The following CFAP107 variants were observed in gnomAD, a reference collection of about 807,000 sequenced individuals.
The protein encoded by CFAP107 is cilia- and flagella-associated protein 107.
At chr1:12,746,212 A>C in the CFAP107 span, 3 of 394,026 alleles carry the variant, frequency 7.6e-6, no homozygotes, top group African/African-American at 6.1e-5. Context: ...TCAACAGTAG[A>C]GAATCCAAGA....
the CFAP107 span, among the ~76,000 whole-genome samples, chr1:12,754,947 A>G: frequency 6.6e-6 from 1 of 152,252 alleles, no homozygotes; most frequent in African/African-American, 2.4e-5. Flanking sequence ...TGATGATTGC[A>G]CAACAGCGTG....
the CFAP107 span, among the ~76,000 whole-genome samples, chr1:12,755,149 G>A: frequency 2.0e-5 from 3 of 152,238 alleles, no homozygotes; most frequent in African/African-American, 4.8e-5. Flanking sequence ...GCTCATGCCT[G>A]TAATCCCAGC....
At chr1:12,751,252 G>A in the CFAP107 span, among the ~76,000 whole-genome samples, 7 of 152,098 alleles carry the variant, frequency 4.6e-5, no homozygotes, top group East Asian at 7.7e-4. Context: ...TAAATGCAAA[G>A]CTAGCAGAAG....
At chr1:12,754,513 G>A in the CFAP107 span, among the ~76,000 whole-genome samples, 1 of 152,204 alleles carries the variant, frequency 6.6e-6, no homozygotes, top group African/African-American at 2.4e-5. Context: ...CTGGTTGTAT[G>A]CCTAAAAGAA....
chr1:12,749,957 G>T, the CFAP107 span, among the ~76,000 whole-genome samples: 3 of 152,156 alleles, frequency 2.0e-5, no homozygotes, highest in East Asian at 3.9e-4. Flanking sequence ...AAACTTAAAA[G>T]CCAGGATTAT....
the CFAP107 span, among the ~76,000 whole-genome samples, chr1:12,755,128 C>T: frequency 5.3e-4 from 81 of 152,218 alleles, no homozygotes; most frequent in African/African-American, 1.9e-3. Flanking sequence ...AAGGGAGGGC[C>T]GGGCACAGTG....
the CFAP107 span, among the ~76,000 whole-genome samples, chr1:12,755,231 G>A: frequency 1.3e-5 from 2 of 152,018 alleles, no homozygotes; most frequent in South Asian, 4.1e-4. Context: ...ATGGCAAAAC[G>A]CCCTCTCTTC....
chr1:12,751,349 G>A, the CFAP107 span, among the ~76,000 whole-genome samples: 3 of 152,148 alleles, frequency 2.0e-5, no homozygotes, highest in Admixed American at 6.6e-5. Flanking sequence ...AGTTGGGACC[G>A]GGCGCGGTGG....
At chr1:12,750,354 A>G in the CFAP107 span, among the ~76,000 whole-genome samples, 1 of 152,228 alleles carries the variant, frequency 6.6e-6, no homozygotes, top group Non-Finnish European at 1.5e-5. Flanking sequence ...AACAAATACT[A>G]AAATGGCAAA....
At chr1:12,746,508 G>C in the CFAP107 span, 3 of 1,613,570 alleles carry the variant, frequency 1.9e-6, no homozygotes, top group South Asian at 3.3e-5. Context: ...CAACGAAAGT[G>C]CTCACTGGAA....
chr1:12,761,881 G>T, the CFAP107 span: 1 of 152,318 alleles, frequency 6.6e-6, no homozygotes, highest in Non-Finnish European at 1.5e-5. Context: ...AGAACCTCTG[G>T]TGAGTGATTT....
chr1:12,760,125 A>G, the CFAP107 span, among the ~76,000 whole-genome samples: 1 of 152,118 alleles, frequency 6.6e-6, no homozygotes, highest in Non-Finnish European at 1.5e-5. Context: ...GACATTCCAG[A>G]GGAAGGAACA....
chr1:12,746,494 T>C, the CFAP107 span: 15 of 1,613,654 alleles, frequency 9.3e-6, no homozygotes, highest in Non-Finnish European at 1.3e-5. Context: ...TGAGACCAAG[T>C]ATTCAACGAA....
the CFAP107 span, among the ~76,000 whole-genome samples, chr1:12,748,575 T>G: frequency 6.6e-6 from 1 of 151,844 alleles, no homozygotes; most frequent in Non-Finnish European, 1.5e-5. Flanking sequence ...GAACATTACC[T>G]GCTAGTTAGA....
At chr1:12,761,234 A>C in the CFAP107 span, 1 of 322,668 alleles carries the variant, frequency 3.1e-6, no homozygotes, top group Admixed American at 4.8e-5. Flanking sequence ...AGGGCCCTTA[A>C]GTTCTACCCT....
the CFAP107 span, chr1:12,760,956 T>C: frequency 6.2e-7 from 1 of 1,607,292 alleles, no homozygotes; most frequent in Non-Finnish European, 8.5e-7. Flanking sequence ...TTCTGAGAGC[T>C]GCCACCCCAG....
chr1:12,757,147 G>C, the CFAP107 span, among the ~76,000 whole-genome samples: 1 of 152,144 alleles, frequency 6.6e-6, no homozygotes, highest in African/African-American at 2.4e-5. Flanking sequence ...AACCATCCAT[G>C]TATGTGAGGT....
At chr1:12,755,904 C>G in the CFAP107 span, 1 of 852,504 alleles carries the variant, frequency 1.2e-6, no homozygotes, top group South Asian at 1.5e-5. Flanking sequence ...TTAGTACCGT[C>G]TTGGGGGAAA....
chr1:12,746,720 G>A, the CFAP107 span, among the ~76,000 whole-genome samples: 19 of 151,980 alleles, frequency 1.3e-4, no homozygotes, highest in Admixed American at 1.1e-3. Flanking sequence ...CAATATTCAC[G>A]CATTTTGCAT....
Sources: gnomAD v4.1 joint callset for allele counts (sites outside exome capture counted in the v4.1 genomes callset) on GRCh38, gnomAD v4.1.1 for gene constraint, MANE v1.5 for transcripts, NCBI Gene and HGNC (gene_info 2026-07-23, HGNC 2026-07-21) for gene names.